Variants in ZNF804A observed in about 807,000 individuals in gnomAD.
ZNF804A encodes the protein zinc finger protein 804A.
ZNF804A carries 2 observed loss-of-function variants against 16.5 expected under a neutral mutation model. The observed-to-expected ratio is 0.12, with a 90% CI of 0.05 to 0.38. The LOEUF (loss-of-function observed/expected upper bound fraction) is 0.38, where lower values mean the gene tolerates loss of function less well. ZNF804A is among the 10% of genes least tolerant of loss of function. The probability of loss-of-function intolerance (pLI) is 0.99; values close to 1 mark genes in which losing one functional copy is unlikely to be tolerated. For synonymous variants in ZNF804A, 534 were observed against 489.6 expected (o/e 1.09, Z -1.20); for missense variants, 1,473 against 1,390.7 (o/e 1.06, Z -0.94).
At position 184,794,580 on chromosome 2, in the gene ZNF804A, C is replaced by T. The variant is rs780321921; in HGVS notation, c.112-71789C>T. On this transcript the variant is annotated intron_variant, in intron 1 of 3. Transcript: ENST00000302277. ...TCATAGTACCTATAGAACAAAAATACTTTTTTAAAGAAAGACAAAAAAACC... is the reference window on the plus strand; with the variant it reads ...TCATAGTACCTATAGAACAAAAATATTTTTTTAAAGAAAGACAAAAAAACC... Among the ~76,000 whole-genome samples, 71 of 151,908 alleles carry T rather than the reference C, an allele frequency of 4.7e-4. No homozygotes were observed. In the Middle Eastern group the frequency reaches 0.014, roughly 29 times the overall value.
rs140866539 is a variant in ZNF804A, at chr2:184,811,372, A to T, written c.112-54997A>T. 9.1e-3 allele frequency among the ~76,000 whole-genome samples: 1,383 copies of T among 152,330 alleles called. 23 individuals carry two copies. The highest frequency in any genetic ancestry group is 0.032 in the African/African-American group (1,322 of 41,568). ...CCTTTTTAATTCATTAGTAAATTGA[A>T]TCAAGAACCGATGATAACCTATTGT... On this transcript the variant is annotated intron_variant, in intron 1 of 3. Transcript: ENST00000302277.
At chr2:184,718,396 T>G (rs1693247767) in intron 1 of ZNF804A, among the ~76,000 whole-genome samples, 1 of 151,990 alleles carries the variant, frequency 6.6e-6, no homozygotes, top group African/African-American at 2.4e-5. Context: ...TCAAAACCAA[T>G]CATGCCTTCC....
chr2:184,623,017 C>G (rs961213370), intron 1 of ZNF804A, among the ~76,000 whole-genome samples: 2 of 152,086 alleles, frequency 1.3e-5, no homozygotes, highest in African/African-American at 4.8e-5. Context: ...GAAAGGCATT[C>G]CCTTTATTTG....
intron 1 of ZNF804A, among the ~76,000 whole-genome samples, chr2:184,701,491 A>G (rs1466700124): frequency 6.6e-6 from 1 of 151,908 alleles, no homozygotes; most frequent in African/African-American, 2.4e-5. Context: ...CATGAGTAAG[A>G]AGGCAAATTA....
chr2:184,868,986 C>G (rs1695928795), intron 2 of ZNF804A, among the ~76,000 whole-genome samples: 1 of 151,984 alleles, frequency 6.6e-6, no homozygotes, highest in African/African-American at 2.4e-5. Flanking sequence ...ATCTGGAAAG[C>G]TGAAATCCAA....
At chr2:184,816,198 G>A (rs1257707504) in intron 1 of ZNF804A, among the ~76,000 whole-genome samples, 3 of 152,016 alleles carry the variant, frequency 2.0e-5, no homozygotes, top group Non-Finnish European at 2.9e-5. Context: ...ATTGTTCCCA[G>A]ATGGATTCAG....
Position 184,939,079 on chromosome 2 carries a change from T to G in ZNF804A, c.*53T>G, listed in dbSNP as rs77067231. The G allele has an allele frequency of 5.3e-3, 8,362 of 1,576,308 alleles. 131 individuals carry two copies. Among genetic ancestry groups the G allele is most frequent in the East Asian group, 0.045 (2,009 of 44,482 alleles). ...CTTGTGAAAACTATTGCTATATGCGTTAAGTGTTCATCTATGTGGGTACAT... is the reference window on the plus strand; with the variant it reads ...CTTGTGAAAACTATTGCTATATGCGGTAAGTGTTCATCTATGTGGGTACAT... On this transcript the variant is annotated 3_prime_UTR_variant, in exon 4 of 4. Transcript: ENST00000302277.
At chr2:184,826,528 T>G (rs892177361) in intron 1 of ZNF804A, among the ~76,000 whole-genome samples, 1 of 152,160 alleles carries the variant, frequency 6.6e-6, no homozygotes, top group Non-Finnish European at 1.5e-5. Context: ...TTATTATATT[T>G]TAATGGTCTG....
chr2:184,869,855 G>A (rs950028024), intron 2 of ZNF804A, among the ~76,000 whole-genome samples: 5 of 151,882 alleles, frequency 3.3e-5, no homozygotes, highest in African/African-American at 7.2e-5. Flanking sequence ...AAGGAAATTC[G>A]GTTTCCTTTC....
chr2:184,900,537 T>G (rs891719673), intron 2 of ZNF804A, among the ~76,000 whole-genome samples: 9 of 152,138 alleles, frequency 5.9e-5, no homozygotes, highest in Admixed American at 4.6e-4. Context: ...TTTTTCTTCT[T>G]TTTAAATAGT....
In ZNF804A at chr2:184,637,324, G is replaced by A. The variant is rs569967544; in HGVS notation, c.111+38254G>A. ...TTTTTTTTAGGCAGCAGGAAACTGA[G>A]CATTATTTTAAAAATGCACAATGTT... On this transcript the variant is annotated intron_variant, in intron 1 of 3. Transcript: ENST00000302277. Among the ~76,000 whole-genome samples the A allele has an allele frequency of 1.2e-4, 19 of 152,176 alleles. No homozygotes were observed. The Middle Eastern group carries it at 0.014, about 109-fold the overall frequency.
chr2:184,598,849 G>A lies in ZNF804A; in HGVS notation c.-111G>A. 1 of 541,758 alleles carries A rather than the reference G, an allele frequency of 1.8e-6. No individual in the cohort carries two copies. The highest frequency in any genetic ancestry group is 3.0e-6 in the Non-Finnish European group (1 of 331,166). 33.6% of individuals were successfully genotyped at this position (541,758 alleles called of 1,614,324 possible). A position where few individuals can be genotyped will look rare whatever the true frequency, so the allele number is the denominator to read the frequency against. ...CAGAGGACGTGCCGGGGGTGGCTGC[G>A]TGCCCTCGTGGCGGGTTCCCAGCCC... On this transcript the variant is annotated 5_prime_UTR_variant, in exon 1 of 4. The change creates a new upstream start codon in the 5' untranslated region. Coordinates refer to ENST00000302277, the MANE Select transcript of ZNF804A (RefSeq NM_194250.2).
intron 1 of ZNF804A, among the ~76,000 whole-genome samples, chr2:184,848,577 C>G (rs72905753): frequency 0.05 from 7,666 of 151,960 alleles, 254 homozygotes; most frequent in Middle Eastern, 0.078. Flanking sequence ...GTGTGTTATG[C>G]AAACATCTGT....
intron 1 of ZNF804A, among the ~76,000 whole-genome samples, chr2:184,646,279 C>G (rs1314674727): frequency 6.6e-6 from 1 of 152,198 alleles, no homozygotes; most frequent in African/African-American, 2.4e-5. Flanking sequence ...TGTTGTAAGC[C>G]TGGGGCAGGA....
At chr2:184,719,925 C>T (rs1477358163) in intron 1 of ZNF804A, among the ~76,000 whole-genome samples, 2 of 152,170 alleles carry the variant, frequency 1.3e-5, no homozygotes, top group East Asian at 3.9e-4. Context: ...CAGTGCCCCA[C>T]TCTTCTGAAT....
intron 1 of ZNF804A, among the ~76,000 whole-genome samples, chr2:184,862,179 T>C (rs1695811365): frequency 6.6e-6 from 1 of 152,192 alleles, no homozygotes; most frequent in Non-Finnish European, 1.5e-5. Flanking sequence ...ATGTATCTCT[T>C]ACTTTCTGCA....
At chr2:184,607,371 C>T (rs1421331815) in intron 1 of ZNF804A, among the ~76,000 whole-genome samples, 1 of 152,078 alleles carries the variant, frequency 6.6e-6, no homozygotes, top group East Asian at 1.9e-4. Flanking sequence ...CTGAGGAGGC[C>T]TCAGAAAACT....
At chr2:184,711,809 G>T (rs1693132534) in intron 1 of ZNF804A, among the ~76,000 whole-genome samples, 1 of 151,336 alleles carries the variant, frequency 6.6e-6, no homozygotes, top group Admixed American at 6.6e-5. Context: ...GTTTATTTCT[G>T]GGCTTTCTAT....
intron 1 of ZNF804A, among the ~76,000 whole-genome samples, chr2:184,845,090 T>C (rs940974867): frequency 2.6e-5 from 4 of 152,106 alleles, no homozygotes; most frequent in Non-Finnish European, 5.9e-5. Context: ...TCTCTTTGTT[T>C]ATATAACTTG....
Sources: allele counts gnomAD v4.1 joint callset (sites outside exome capture counted in the v4.1 genomes callset), GRCh38; gene constraint gnomAD v4.1.1; transcripts MANE v1.5; gene names NCBI Gene and HGNC (gene_info 2026-07-23, HGNC 2026-07-21).